Variants in CNTNAP2 observed in about 807,000 individuals in gnomAD.
CNTNAP2 encodes contactin-associated protein-like 2.
Under a neutral mutation model 155.2 loss-of-function variants are expected in CNTNAP2, and 98 were observed. The observed-to-expected ratio is 0.63, with a 90% CI of 0.54 to 0.75. The LOEUF is 0.75. CNTNAP2 is among the 30% of genes least tolerant of loss of function. The pLI, the probability that CNTNAP2 is intolerant of heterozygous loss-of-function variation, is 0.00. For synonymous variants in CNTNAP2, 651 were observed against 631.2 expected (o/e 1.03, Z -0.47); for missense variants, 1,727 against 1,688.1 (o/e 1.02, Z -0.40).
intron 5 of CNTNAP2, among the ~76,000 whole-genome samples, chr7:147,109,207 A>G (rs1028089370): frequency 6.6e-6 from 1 of 152,176 alleles, no homozygotes; most frequent in African/African-American, 2.4e-5. Context: ...GAGAGATAGT[A>G]CTGCTTGTAT....
At chr7:146,975,406 A>G (rs1418524067) in intron 3 of CNTNAP2, among the ~76,000 whole-genome samples, 1 of 152,202 alleles carries the variant, frequency 6.6e-6, no homozygotes, top group African/African-American at 2.4e-5. Flanking sequence ...CAGAGGTTAA[A>G]GTGAGCCAAG....
intron 13 of CNTNAP2, among the ~76,000 whole-genome samples, chr7:147,743,313 C>T (rs1315993844): frequency 1.3e-5 from 2 of 152,140 alleles, no homozygotes; most frequent in African/African-American, 4.8e-5. Context: ...AAATAGGTGG[C>T]TATCACTGAG....
intron 2 of CNTNAP2, among the ~76,000 whole-genome samples, chr7:146,814,153 A>G (rs552457032): frequency 1.3e-5 from 2 of 152,274 alleles, no homozygotes; most frequent in African/African-American, 4.8e-5. Context: ...AATGAAATAG[A>G]TAATAAATCA....
intron 1 of CNTNAP2, 100 bp downstream of exon 1, chr7:146,117,073 C>G (rs545370663): frequency 1.0e-6 from 1 of 997,382 alleles, no homozygotes; most frequent in African/African-American, 1.6e-5. Flanking sequence ...AGTGCTGGCA[C>G]CCTGATGTGT....
chr7:146,665,047 C>T (rs1800166231), intron 1 of CNTNAP2, among the ~76,000 whole-genome samples: 1 of 152,150 alleles, frequency 6.6e-6, no homozygotes, highest in Non-Finnish European at 1.5e-5. Flanking sequence ...CTCCCAGGTT[C>T]AAGCGCTTCT....
At chr7:146,447,594 A>G (rs1249821322) in intron 1 of CNTNAP2, among the ~76,000 whole-genome samples, 1 of 152,080 alleles carries the variant, frequency 6.6e-6, no homozygotes, top group Non-Finnish European at 1.5e-5. Flanking sequence ...GTTATAAAAT[A>G]TGAGAATCTT....
chr7:146,175,630 A>T (rs1798458898), intron 1 of CNTNAP2, among the ~76,000 whole-genome samples: 1 of 152,264 alleles, frequency 6.6e-6, no homozygotes, highest in East Asian at 1.9e-4. Context: ...ACTGAAAACC[A>T]TTAAGAAAAC....
chr7:146,996,175 T>A (rs1489928668), intron 3 of CNTNAP2, among the ~76,000 whole-genome samples: 1 of 152,100 alleles, frequency 6.6e-6, no homozygotes, highest in Non-Finnish European at 1.5e-5. Flanking sequence ...TTTTCCCCCA[T>A]TTTGTGGTCT....
chr7:146,503,681 T>C (rs1323711352), intron 1 of CNTNAP2, among the ~76,000 whole-genome samples: 2 of 152,238 alleles, frequency 1.3e-5, no homozygotes, highest in African/African-American at 4.8e-5. Flanking sequence ...TCACCACTTA[T>C]TGAAGAGACT....
intron 13 of CNTNAP2, among the ~76,000 whole-genome samples, chr7:147,736,152 G>T (rs957743188): frequency 6.6e-5 from 10 of 151,826 alleles, no homozygotes; most frequent in African/African-American, 2.4e-4. Context: ...TTTTTCAGTG[G>T]CTGTTACTGG....
At chr7:148,226,221 A>C (rs1795845556) in intron 19 of CNTNAP2, among the ~76,000 whole-genome samples, 1 of 152,156 alleles carries the variant, frequency 6.6e-6, no homozygotes, top group African/African-American at 2.4e-5. Context: ...TATTAAAAAA[A>C]AAGAGTCTGG....
At chr7:147,999,087 A>T (rs968231728) in intron 15 of CNTNAP2, among the ~76,000 whole-genome samples, 3 of 152,068 alleles carry the variant, frequency 2.0e-5, no homozygotes, top group Non-Finnish European at 4.4e-5. Flanking sequence ...CTCATTATAG[A>T]AGTCTTTTTT....
rs1206684240 is a variant in CNTNAP2 at position 146,547,858 on chromosome 7, A to T, written c.98-226413A>T. ...TACTTTATCATGGTTTTTTTTTTTT[A>T]AAGGAACCTTAATACGGTTTCCGTA... On this transcript the variant is annotated intron_variant, in intron 1 of 23. Coordinates refer to ENST00000361727, the MANE Select transcript of CNTNAP2 (RefSeq NM_014141.6). Among the ~76,000 whole-genome samples the T allele has an allele frequency of 5.0e-5, 6 of 119,574 alleles. No individual in the cohort carries two copies. The East Asian group carries it at 1.0e-3, about 21-fold the overall frequency. The allele number at this position is 119,574 out of a possible 152,430, so 78.4% of individuals were successfully genotyped here.
At chr7:147,804,724 T>G (rs1798063054) in intron 13 of CNTNAP2, among the ~76,000 whole-genome samples, 1 of 152,058 alleles carries the variant, frequency 6.6e-6, no homozygotes, top group South Asian at 2.1e-4. Context: ...TGGCTAATTT[T>G]TGTATTTTTA....
intron 1 of CNTNAP2, among the ~76,000 whole-genome samples, chr7:146,285,479 T>C (rs1800311290): frequency 6.6e-6 from 1 of 152,012 alleles, no homozygotes; most frequent in Non-Finnish European, 1.5e-5. Context: ...CGAGAAAACA[T>C]TTAAGGTTTT....
intron 4 of CNTNAP2, among the ~76,000 whole-genome samples, 159 bp downstream of exon 4, chr7:147,044,213 A>AG (rs1404200798): frequency 6.6e-6 from 1 of 151,098 alleles, no homozygotes; most frequent in African/African-American, 2.4e-5. Context: ...TATATATATA[A>AG]TAAAAGGTTG....
chr7:147,932,520 AAATT>A (rs1358023891), intron 14 of CNTNAP2, among the ~76,000 whole-genome samples: 2 of 152,230 alleles, frequency 1.3e-5, no homozygotes, highest in Non-Finnish European at 1.5e-5. Context: ...AAAAAGAACA[AAATT>A]AAACCCTTAC....
chr7:148,400,516 T>A (rs1461542203), intron 22 of CNTNAP2, among the ~76,000 whole-genome samples: 1 of 152,172 alleles, frequency 6.6e-6, no homozygotes, highest in Non-Finnish European at 1.5e-5. Flanking sequence ...CCCCAGTGTT[T>A]ACAGGAAATT....
At chr7:147,285,689 A>C (rs1805160252) in intron 8 of CNTNAP2, among the ~76,000 whole-genome samples, 1 of 152,032 alleles carries the variant, frequency 6.6e-6, no homozygotes, top group African/African-American at 2.4e-5. Context: ...CTTAATACAT[A>C]AGAGGACAGG....
Sources: gnomAD v4.1 joint callset for allele counts (sites outside exome capture counted in the v4.1 genomes callset) on GRCh38, gnomAD v4.1.1 for gene constraint, MANE v1.5 for transcripts, NCBI Gene and HGNC (gene_info 2026-07-23, HGNC 2026-07-21) for gene names.